The following EML2 variants were observed in gnomAD, a reference collection of about 807,000 sequenced individuals.
The protein encoded by EML2 is EMAP like 2, also known as echinoderm microtubule-associated protein-like 2.
EML2 carries 59 observed loss-of-function variants against 84.7 expected under a neutral mutation model. The observed-to-expected ratio is 0.70, with a 90% CI of 0.56 to 0.86. The LOEUF (loss-of-function observed/expected upper bound fraction) is 0.86. EML2 is among the 40% of genes least tolerant of loss of function. The probability of loss-of-function intolerance (pLI) is 0.00; values close to 1 mark genes in which losing one functional copy is unlikely to be tolerated. For synonymous variants in EML2, 352 were observed against 348.9 expected, an observed-to-expected ratio of 1.01 and a Z score of -0.10; for missense variants, 818 against 855.6, an observed-to-expected ratio of 0.96 and a Z score of 0.55.
At chr19:45,644,896 CCTCT>C, upstream of EML2, 1 of 431,906 alleles carries the variant, frequency 2.3e-6, no homozygotes, top group Non-Finnish European at 4.7e-6. Flanking sequence ...ACCCCCACCC[CCTCT>C]GTCTGTCCCC....
At chr19:45,628,547 G>A in intron 7 of EML2, among the ~76,000 whole-genome samples, 1 of 151,772 alleles carries the variant, frequency 6.6e-6, no homozygotes, top group East Asian at 1.9e-4. Context: ...TTTCCACCAG[G>A]CGCAGTGGCT....
At chr19:45,618,073 TA>T (rs1158896150) in intron 12 of EML2, among the ~76,000 whole-genome samples, 3 of 152,168 alleles carry the variant, frequency 2.0e-5, no homozygotes, top group Non-Finnish European at 4.4e-5. Context: ...AATTTTTATT[TA>T]TTTTTTTGAG....
At chr19:45,611,342 C>T (rs540333201) in intron 18 of EML2, among the ~76,000 whole-genome samples, 57 of 151,118 alleles carry the variant, frequency 3.8e-4, no homozygotes, top group Non-Finnish European at 6.9e-4. Context: ...ACCCAGGAGG[C>T]GGAGGTTGCA....
At position 45,615,831 on chromosome 19, in the gene EML2, G is replaced by C. The variant is rs1220650493; in HGVS notation, c.1568C>G (p.Thr523Ser). ...DWAQDSSCFVTNSGDYEILYW... is the reference protein window; with the variant it reads ...DWAQDSSCFVSNSGDYEILYW... The stretch of plus-strand genomic sequence containing the variant: ...CAGAATCTCATAGTCCCCGGAGTTG[G>C]TGACAAAGCAGCTGCTGTCCTGGGC... The change falls in exon 16 of 19, where the codon ACC (threonine) becomes AGC (serine). Residue 523 changes from threonine to serine, a missense_variant. Coordinates refer to ENST00000245925, the MANE Select transcript of EML2 (RefSeq NM_012155.4). The C allele has an allele frequency of 1.9e-6, 3 of 1,613,994 alleles. No homozygotes were observed. Among genetic ancestry groups the C allele is most frequent in the South Asian group, 2.2e-5 (2 of 91,076 alleles).
chr19:45,613,560 T>C lies in EML2; in HGVS notation c.1805A>G (p.Tyr602Cys), dbSNP rs768074973. The C allele has an allele frequency of 9.9e-6, 16 of 1,613,718 alleles. No individual in the cohort carries two copies. The Admixed American group carries it at 1.3e-4, about 13-fold the overall frequency. The change falls in exon 18 of 19, where the codon TAC becomes TGC. Residue 602 changes from tyrosine to cysteine, a missense_variant. By Grantham distance (194) the Tyr-to-Cys change is radical. Transcript: ENST00000245925. ...DDFGKVHLFSYPCCQPRALSH... is the reference protein window; with the variant it reads ...DDFGKVHLFSCPCCQPRALSH... The stretch of plus-strand genomic sequence containing the variant: ...ACTCACTCGAGGCTGACAGCAGGGG[T>C]AGCTAAACAGGTGAACTTTGCCAAA...
intron 4 of EML2, among the ~76,000 whole-genome samples, chr19:45,633,670 G>A (rs1353249604): frequency 6.6e-6 from 1 of 151,968 alleles, no homozygotes; most frequent in Non-Finnish European, 1.5e-5. Flanking sequence ...ACCCAGGAGC[G>A]GAGGTTGCAG....
At chr19:45,611,998 A>G (rs532116868) in intron 18 of EML2, among the ~76,000 whole-genome samples, 2 of 151,924 alleles carry the variant, frequency 1.3e-5, no homozygotes, top group South Asian at 4.1e-4. Flanking sequence ...CACCTTCCCC[A>G]GTAGCTGGGA....
upstream of EML2, chr19:45,641,879 G>A (rs1288134690): frequency 6.8e-7 from 1 of 1,462,230 alleles, no homozygotes; most frequent in South Asian, 1.4e-5. Context: ...CTCCCACGAG[G>A]TCTTGGAAGA....
intron 18 of EML2, 102 bp from the exon 19 acceptor site, chr19:45,609,890 T>C (rs73050333): frequency 0.029 from 36,447 of 1,267,976 alleles, 234 homozygotes; most frequent in Middle Eastern, 0.069. Context: ...TCTTCCTCTT[T>C]TTTTTTTTTT....
upstream of EML2, chr19:45,641,596 T>C (rs1974507725): frequency 6.6e-7 from 1 of 1,521,954 alleles, no homozygotes; most frequent in Non-Finnish European, 8.8e-7. Flanking sequence ...CTCGACCATT[T>C]CCTCCCTATC....
chr19:45,619,221 G>A, intron 11 of EML2, 30 bp from the exon 12 acceptor site: 2 of 1,600,496 alleles, frequency 1.2e-6, no homozygotes, highest in Non-Finnish European at 1.7e-6. Flanking sequence ...GCAGGATGGA[G>A]ACAGCAGCCC....
At chr19:45,617,453 G>A (rs1426047515) in intron 13 of EML2, among the ~76,000 whole-genome samples, 177 bp downstream of exon 13, 2 of 152,174 alleles carry the variant, frequency 1.3e-5, no homozygotes, top group Non-Finnish European at 1.5e-5. Context: ...AGCTACTCGG[G>A]AGGCTGAGGC....
chr19:45,645,405 C>T, upstream of EML2: 2 of 1,486,462 alleles, frequency 1.3e-6, no homozygotes, highest in South Asian at 1.3e-5. Context: ...CAACCAGGCC[C>T]TGCCTCCCGT....
rs186935597 is a variant in EML2 at position 45,614,464 on chromosome 19, T to G, written c.1693+141A>C. 1,433 of 734,484 alleles carry G rather than the reference T, an allele frequency of 2.0e-3. 5 individuals are homozygous for G. The highest frequency in any genetic ancestry group is 2.7e-3 in the Non-Finnish European group (1,115 of 414,404). 45.5% of individuals were successfully genotyped at this position (734,484 alleles called of 1,614,324 possible). A position where few individuals can be genotyped will look rare whatever the true frequency, so the allele number is the denominator to read the frequency against. ...TGAGTCATCTCACCCTACCCTTTCC[T>G]CTTACACAAATACAGCCCACATGCA... On this transcript the variant is annotated intron_variant, in intron 17 of 18. Coordinates refer to ENST00000245925, the MANE Select transcript of EML2 (RefSeq NM_012155.4).
At chr19:45,644,988 C>T (rs558916508), upstream of EML2, 1 of 534,118 alleles carries the variant, frequency 1.9e-6, no homozygotes, top group African/African-American at 1.9e-5. Flanking sequence ...AATCGACCCC[C>T]AGGCCGTTCC....
In EML2 at chr19:45,613,638, A is replaced by G. The variant is rs576798996; in HGVS notation, c.1727T>C (p.Ile576Thr). 8.7e-6 allele frequency: 14 copies of G among 1,614,064 alleles called. No homozygotes were observed. In the East Asian group the frequency reaches 8.9e-5, roughly 10 times the overall value. ...IWSEGADGTD[I>T]NAVARSHDGK... ...ATCATGAGAGCGGGCCACAGCGTTG[A>G]TATCAGTGCCGTCCGCCCCCTCAGA... The change falls in exon 18 of 19, where the codon ATC becomes ACC. Residue 576 changes from isoleucine (I) to threonine (T), a missense_variant. Transcript: ENST00000245925.
chr19:45,634,116 CTGAAATAT>C (rs969958965), intron 4 of EML2, among the ~76,000 whole-genome samples, 198 bp downstream of exon 4: 3 of 152,122 alleles, frequency 2.0e-5, no homozygotes, highest in East Asian at 1.9e-4. Flanking sequence ...ACTAAAACAC[CTGAAATAT>C]TGAAATATTG....
chr19:45,643,951 G>T (rs1360261747), upstream of EML2, among the ~76,000 whole-genome samples: 1 of 152,224 alleles, frequency 6.6e-6, no homozygotes, highest in Non-Finnish European at 1.5e-5. Flanking sequence ...GGGAAACTAA[G>T]GAAGGAGGCT....
chr19:45,624,778 A>C lies in EML2; in HGVS notation c.782T>G (p.Leu261Trp). ...KPKYVLCVTF[L>W]EGGDVVTGDS... Reference sequence around the variant, plus strand: ...CCCCGTGACCACGTCGCCACCTTCCAAAAAGGTCACACACAGCACATACTT... The same window carrying C: ...CCCCGTGACCACGTCGCCACCTTCCCAAAAGGTCACACACAGCACATACTT... The change falls in exon 9 of 19, where the codon TTG becomes TGG. Residue 261 changes from leucine (L) to tryptophan (W), a missense_variant. Leu to Trp is a moderately conservative substitution (Grantham distance 61, BLOSUM62 -2). Transcript: ENST00000245925. The C allele has an allele frequency of 6.2e-7, 1 of 1,613,774 alleles. No homozygotes were observed. Among genetic ancestry groups the C allele is most frequent in the Non-Finnish European group, 8.5e-7 (1 of 1,179,836 alleles).
Sources: gnomAD v4.1 joint callset for allele counts (sites outside exome capture counted in the v4.1 genomes callset) on GRCh38, gnomAD v4.1.1 for gene constraint, MANE v1.5 for transcripts, NCBI Gene and HGNC (gene_info 2026-07-23, HGNC 2026-07-21) for gene names.